Variants in CYP26C1 observed in about 807,000 individuals in gnomAD.
The protein encoded by CYP26C1 is cytochrome P450 family 26 subfamily C member 1.
In CYP26C1, 41 loss-of-function variants were observed where a neutral mutation model predicts 39.1. The observed-to-expected ratio is 1.05, with a 90% CI of 0.82 to 1.36. CYP26C1 has a LOEUF of 1.36. Ranked by LOEUF, CYP26C1 falls within the 40% of genes most tolerant of loss-of-function variation. The pLI is 0.00. For missense variants in CYP26C1, 833 were observed against 752.0 expected (o/e 1.11, Z -1.26); for synonymous variants, 362 against 350.8 (o/e 1.03, Z -0.36).
At chr10:93,063,853 T>TC (rs2134412546) in intron 3 of CYP26C1, 1 of 985,984 alleles carries the variant, frequency 1.0e-6, no homozygotes, top group Non-Finnish European at 1.2e-6. Context: ...TACAGTGCTT[T>TC]CCCCGGGGGA....
At position 93,061,093 on chromosome 10, in the gene CYP26C1, G is replaced by A. The variant is rs1027090229; in HGVS notation, c.-171G>A. The A allele has an allele frequency of 8.9e-6, 6 of 670,816 alleles. No individual in the cohort carries two copies. The highest frequency in any genetic ancestry group is 7.4e-5 in the African/African-American group (4 of 53,972). 41.6% of individuals were successfully genotyped at this position (670,816 alleles called of 1,614,324 possible). Reference sequence around the variant, plus strand: ...CGGTCACTGCAGTCTTTCACCGTCCGTCTGTTTTTAGAACAGAGTTCTGGC... The same window carrying A: ...CGGTCACTGCAGTCTTTCACCGTCCATCTGTTTTTAGAACAGAGTTCTGGC... On this transcript the variant is annotated 5_prime_UTR_variant, in exon 1 of 6. Coordinates refer to ENST00000651965, the MANE Select transcript of CYP26C1 (RefSeq NM_183374.3).
chr10:93,062,823 C>A lies in CYP26C1; in HGVS notation c.533C>A (p.Pro178Gln), dbSNP rs202086264. Residue 178 changes from proline (P) to glutamine (Q), a missense_variant, in exon 3 of 6, where the codon CCG (proline) becomes CAG (glutamine). Physicochemically the swap from Pro to Gln is moderately conservative, Grantham distance 76. Coordinates refer to ENST00000651965, the MANE Select transcript of CYP26C1 (RefSeq NM_183374.3). ...CGCTCCTGGTGCGCGGCGGGCGGGC[C>A]GGTCTCAGTCTACGACGCCTCCAAA... ...EVRSWCAAGG[P>Q]VSVYDASKAL... is the part of the protein sequence containing the mutation. 21 of 1,570,902 alleles carry A rather than the reference C, an allele frequency of 1.3e-5. No individual in the cohort carries two copies. The highest frequency in any genetic ancestry group is 1.7e-5 in the Non-Finnish European group (20 of 1,164,696).
At chr10:93,062,295 T>C in intron 2 of CYP26C1, 61 bp downstream of exon 2, 2 of 1,463,930 alleles carry the variant, frequency 1.4e-6, no homozygotes, top group Non-Finnish European at 1.8e-6. Context: ...GCATCTGCCA[T>C]GGGCCAGGCC....
intron 3 of CYP26C1, chr10:93,063,269 G>C: frequency 8.3e-7 from 1 of 1,199,774 alleles, no homozygotes; most frequent in Non-Finnish European, 1.0e-6. Context: ...GCAAGCGCGG[G>C]CCGCCAGAGT....
intron 4 of CYP26C1, chr10:93,064,907 A>G (rs778867154): frequency 2.1e-4 from 181 of 882,512 alleles, no homozygotes; most frequent in Non-Finnish European, 2.4e-4. Flanking sequence ...CATTTTTTCT[A>G]GAAACTCTAA....
At chr10:93,063,272 G>C in intron 3 of CYP26C1, 1 of 1,194,884 alleles carries the variant, frequency 8.4e-7, no homozygotes, top group Non-Finnish European at 1.0e-6. Context: ...AGCGCGGGCC[G>C]CCAGAGTTTG....
chr10:93,065,877 A>G (rs1846817757), intron 4 of CYP26C1, 79 bp from the exon 5 acceptor site: 3 of 1,340,504 alleles, frequency 2.2e-6, no homozygotes, highest in African/African-American at 1.5e-5. Context: ...GGTGCTTTTC[A>G]TCTCCACGGG....
rs1426984843 is a variant in CYP26C1, at chr10:93,062,810, G to T, written c.520G>T (p.Ala174Ser). The T allele has an allele frequency of 6.4e-7, 1 of 1,554,718 alleles. No individual in the cohort carries two copies. Among genetic ancestry groups the T allele is most frequent in the Non-Finnish European group, 8.6e-7 (1 of 1,156,868 alleles). Residue 174 changes from alanine to serine, a missense_variant, in exon 3 of 6, where the codon GCG (alanine) becomes TCG (serine). Coordinates refer to ENST00000651965, the MANE Select transcript of CYP26C1 (RefSeq NM_183374.3). ...GCGGCATGAGGTGCGCTCCTGGTGC[G>T]CGGCGGGCGGGCCGGTCTCAGTCTA... Reference protein sequence around the residue: ...ALRHEVRSWCAAGGPVSVYDA... With the variant: ...ALRHEVRSWCSAGGPVSVYDA...
rs1361805529 is a variant in CYP26C1, at chr10:93,062,776, G to C, written c.486G>C (p.Gln162His). 6.6e-7 allele frequency: 1 copy of C among 1,518,992 alleles called. No homozygotes were observed. The highest frequency in any genetic ancestry group is 1.4e-5 in the African/African-American group (1 of 70,302). The allele number at this position is 1,518,992 out of a possible 1,614,324, so 94.1% of individuals were successfully genotyped here. A position where few individuals can be genotyped will look rare whatever the true frequency, so the allele number is the denominator to read the frequency against. The change falls in exon 3 of 6, where the codon CAG (glutamine) becomes CAC (histidine). Residue 162 changes from glutamine (Q) to histidine (H), a missense_variant. Physicochemically the swap from Gln to His is conservative, Grantham distance 24. Transcript: ENST00000651965. The part of the protein sequence containing the change: ...AALERYVPRL[Q>H]GALRHEVRSW... ...TGGAGCGCTACGTGCCGCGCCTGCA[G>C]GGGGCGCTGCGGCATGAGGTGCGCT...
chr10:93,066,564 G>C (rs920074987), intron 5 of CYP26C1, among the ~76,000 whole-genome samples: 1 of 152,234 alleles, frequency 6.6e-6, no homozygotes, highest in Non-Finnish European at 1.5e-5. Context: ...GTTCGGAACG[G>C]TCAATTCAAT....
Position 93,064,387 on chromosome 10 carries a change from C to G in CYP26C1, c.712C>G (p.Arg238Gly), listed in dbSNP as rs562063796. 5.0e-6 allele frequency: 8 copies of G among 1,613,018 alleles called. No homozygotes were observed. Among genetic ancestry groups the G allele is most frequent in the African/African-American group, 2.7e-5 (2 of 74,928 alleles). Residue 238 changes from arginine (R) to glycine (G), a missense_variant, in exon 4 of 6, where the codon CGG (arginine) becomes GGG (glycine). Arg to Gly is a moderately radical substitution (Grantham distance 125, BLOSUM62 -2). Transcript: ENST00000651965. ...TTCTCTCCCTGAACATCAGGGCATC[C>G]GGGCAAGGGACCAGCTGCATCGGCA... ...VPFSGLRKGI[R>G]ARDQLHRHLE...
intron 3 of CYP26C1, 65 bp downstream of exon 3, chr10:93,063,060 C>T: frequency 6.7e-7 from 1 of 1,491,196 alleles, no homozygotes; most frequent in African/African-American, 1.4e-5. Flanking sequence ...CTCCCAGACC[C>T]AGACGGGACG....
chr10:93,067,472 AG>A (rs1371924801), intron 5 of CYP26C1, among the ~76,000 whole-genome samples: 8 of 152,198 alleles, frequency 5.3e-5, no homozygotes, highest in Non-Finnish European at 8.8e-5. Context: ...ACCTTAGGGA[AG>A]CACAGAACCA....
Position 93,062,874 on chromosome 10 carries a change from G to C in CYP26C1, c.584G>C (p.Arg195Pro). 6.2e-7 allele frequency: 1 copy of C among 1,603,586 alleles called. No individual in the cohort carries two copies. The highest frequency in any genetic ancestry group is 8.5e-7 in the Non-Finnish European group (1 of 1,178,964). ...GCGCTCACCTTCCGCATGGCCGCGCGCATCCTGCTGGGGTTGCGGCTGGAC... is the reference window on the plus strand; with the variant it reads ...GCGCTCACCTTCCGCATGGCCGCGCCCATCCTGCTGGGGTTGCGGCTGGAC... Reference protein sequence around the residue: ...SKALTFRMAARILLGLRLDEA... With the variant: ...SKALTFRMAAPILLGLRLDEA... The change falls in exon 3 of 6, where the codon CGC (arginine) becomes CCC (proline). Residue 195 changes from arginine (R) to proline (P), a missense_variant. Coordinates refer to ENST00000651965, the MANE Select transcript of CYP26C1 (RefSeq NM_183374.3).
chr10:93,065,961 G>T lies in CYP26C1; in HGVS notation c.867G>T (p.Ser289=), dbSNP rs115738184. ...HEPSMQELKE[S]AVELLFAAFF... ...AGCCCGGGGCTGTCTTGCAGGAGTC[G>T]GCTGTGGAGCTCCTCTTCGCCGCCT... Residue 289 remains serine (S), a synonymous_variant, in exon 5 of 6, where the codon TCG becomes TCT. Transcript: ENST00000651965. The T allele has an allele frequency of 2.7e-3, 4,220 of 1,580,766 alleles. 96 individuals are homozygous for T. In the African/African-American group the frequency reaches 0.05, roughly 19 times the overall value.
rs1371501199 is a variant in CYP26C1, at chr10:93,068,567, C to A, written c.1439C>A (p.Ala480Glu). 1.9e-6 allele frequency: 3 copies of A among 1,592,952 alleles called. No homozygotes were observed. The highest frequency in any genetic ancestry group is 2.3e-5 in the South Asian group (2 of 88,724). ...CTAGCTGTGGAGCTAGTGCGCACCG[C>A]GCGCTGGGAACTGGCCACACCCGCC... ...QLLAVELVRTARWELATPAFP... is the reference protein window; with the variant it reads ...QLLAVELVRTERWELATPAFP... Residue 480 changes from alanine (A) to glutamate (E), a missense_variant, in exon 6 of 6, where the codon GCG becomes GAG. Transcript: ENST00000651965.
chr10:93,062,052 G>T lies in CYP26C1; in HGVS notation c.247G>T (p.Val83Leu). ...HSSRRERYGT[V>L]FKTHLLGRPV... ...TTCTCGCCGAGAGCGCTATGGGACA[G>T]TGTTCAAGACGCACCTGCTGGGCAG... Residue 83 changes from valine (V) to leucine (L), a missense_variant, in exon 2 of 6, where the codon GTG (valine) becomes TTG (leucine). Coordinates refer to ENST00000651965, the MANE Select transcript of CYP26C1 (RefSeq NM_183374.3). 6.3e-7 allele frequency: 1 copy of T among 1,580,284 alleles called. No individual in the cohort carries two copies. Among genetic ancestry groups the T allele is most frequent in the Non-Finnish European group, 8.6e-7 (1 of 1,164,152 alleles).
chr10:93,061,847 T>G (rs1846754434), intron 1 of CYP26C1, among the ~76,000 whole-genome samples, 163 bp from the exon 2 acceptor site: 1 of 152,188 alleles, frequency 6.6e-6, no homozygotes, highest in South Asian at 2.1e-4. Context: ...AACAGGAGCA[T>G]GTACATTCCC....
rs1846740851 is a variant in CYP26C1, at chr10:93,061,166, C to A, written c.-98C>A. 2 of 1,292,048 alleles carry A rather than the reference C, an allele frequency of 1.5e-6. No individual in the cohort carries two copies. Among genetic ancestry groups the A allele is most frequent in the Non-Finnish European group, 2.1e-6 (2 of 945,854 alleles). The allele number at this position is 1,292,048 out of a possible 1,614,324, so 80.0% of individuals were successfully genotyped here. A position where few individuals can be genotyped will look rare whatever the true frequency, so the allele number is the denominator to read the frequency against. On this transcript the variant is annotated 5_prime_UTR_variant, in exon 1 of 6. Coordinates refer to ENST00000651965, the MANE Select transcript of CYP26C1 (RefSeq NM_183374.3). ...TTGCCCCCAAACCCCAGGCCTTTTG[C>A]GGACGGAACAGGTGAGCACTGCGCA...
Sources: allele counts gnomAD v4.1 joint callset (sites outside exome capture counted in the v4.1 genomes callset), GRCh38; gene constraint gnomAD v4.1.1; transcripts MANE v1.5; gene names NCBI Gene and HGNC (gene_info 2026-07-23, HGNC 2026-07-21).